The following LEO1 variants were observed in gnomAD, a reference collection of about 807,000 sequenced individuals.
The protein encoded by LEO1 is LEO1 component of Paf1/RNA polymerase II complex.
Under a neutral mutation model 80.4 loss-of-function variants are expected in LEO1, and 34 were observed. That is an observed-to-expected ratio of 0.42 (90% CI 0.32 to 0.56). LEO1 has a LOEUF of 0.56. LEO1 is among the 20% of genes least tolerant of loss of function. The probability of loss-of-function intolerance (pLI) is 0.10; values close to 1 mark genes in which losing one functional copy is unlikely to be tolerated. For synonymous variants in LEO1, 262 were observed against 274.9 expected, an observed-to-expected ratio of 0.95 and a Z score of 0.46; for missense variants, 631 against 814.2, an observed-to-expected ratio of 0.77 and a Z score of 2.74.
intron 5 of LEO1, among the ~76,000 whole-genome samples, 168 bp downstream of exon 5, chr15:51,959,731 T>A (rs1254389993): frequency 6.6e-6 from 1 of 152,240 alleles, no homozygotes; most frequent in Non-Finnish European, 1.5e-5. Flanking sequence ...AAGCCTCCCT[T>A]ACTAATACAT....
At chr15:51,942,873 G>C (rs1378929955) in intron 11 of LEO1, among the ~76,000 whole-genome samples, 2 of 145,164 alleles carry the variant, frequency 1.4e-5, no homozygotes, top group Non-Finnish European at 3.0e-5. Context: ...AGTGAGCCAA[G>C]ATGGCACCAC....
chr15:51,969,353 G>A lies in LEO1; in HGVS notation c.58+2335C>T, dbSNP rs144459614. Among the ~76,000 whole-genome samples the A allele has an allele frequency of 3.9e-3, 600 of 152,086 alleles. 7 individuals carry two copies. The highest frequency in any genetic ancestry group is 0.014 in the African/African-American group (565 of 41,470). On this transcript the variant is annotated intron_variant, in intron 1 of 11. Coordinates refer to ENST00000299601, the MANE Select transcript of LEO1 (RefSeq NM_138792.4). ...ATAAATACATGAAAAGATGTTCAACGGCTGGGCGCAGTGGCTCACACCTGT... is the reference window on the plus strand; with the variant it reads ...ATAAATACATGAAAAGATGTTCAACAGCTGGGCGCAGTGGCTCACACCTGT...
chr15:51,949,909 C>T lies in LEO1; in HGVS notation c.1697G>A (p.Ser566Asn). ...TCGATCAGGTTCCAGGTAACTGGCG[C>T]TCAGCCCCCGCTGGTGCTGTTTCTC... ...MREKQHQRGL[S>N]ASYLEPDRYD... is the part of the protein sequence containing the mutation. Residue 566 changes from serine (S) to asparagine (N), a missense_variant, in exon 10 of 12, where the codon AGC becomes AAC. This residue lies in a region of LEO1 where 117 missense variants were observed against 163.5 expected (regional missense o/e 0.72). Transcript: ENST00000299601. 6.2e-7 allele frequency: 1 copy of T among 1,614,098 alleles called. No homozygotes were observed. Among genetic ancestry groups the T allele is most frequent in the African/African-American group, 1.3e-5 (1 of 75,044 alleles).
In LEO1 at chr15:51,945,262, C is replaced by CAAAAAAAAAAAAAAAAAAAAAA. The variant is rs71130110; in HGVS notation, c.1896+2029_1896+2030insTTTTTTTTTTTTTTTTTTTTTT. On this transcript the variant is annotated intron_variant, in intron 11 of 11. Coordinates refer to ENST00000299601, the MANE Select transcript of LEO1 (RefSeq NM_138792.4). ...TGAAACCCCATCTCTACAAAAAATACAAAAAAAAAAAAAAAAAGCCTTACA... is the reference window on the plus strand; with the variant it reads ...TGAAACCCCATCTCTACAAAAAATACAAAAAAAAAAAAAAAAAAAAAAAAAAAAAAAAAAAAAAAGCCTTACA... Among the ~76,000 whole-genome samples, 20 of 80,348 alleles carry CAAAAAAAAAAAAAAAAAAAAAA rather than the reference C, an allele frequency of 2.5e-4. 1 individual carries two copies. The highest frequency in any genetic ancestry group is 2.5e-4 in the Non-Finnish European group (11 of 43,320). The allele number at this position is 80,348 out of a possible 152,430, so 52.7% of individuals were successfully genotyped here.
Position 51,966,136 on chromosome 15 carries a change from C to T in LEO1, c.427G>A (p.Glu143Lys), listed in dbSNP as rs150198878. 14 of 1,613,900 alleles carry T rather than the reference C, an allele frequency of 8.7e-6. No homozygotes were observed. The highest frequency in any genetic ancestry group is 9.3e-6 in the Non-Finnish European group (11 of 1,180,048). ...EGSEKAHSDD[E>K]KWGREDKSDQ... is the part of the protein sequence containing the mutation. ...CTTTTATCTTCTCTGCCCCATTTTT[C>T]ATCATCTGAATGTGCTTTTTCAGAA... Residue 143 changes from glutamate (E) to lysine (K), a missense_variant, in exon 2 of 12, where the codon GAA (glutamate) becomes AAA (lysine). Physicochemically the swap from Glu to Lys is moderately conservative, Grantham distance 56. Transcript: ENST00000299601.
chr15:51,957,818 C>T (rs1220471381), intron 6 of LEO1, among the ~76,000 whole-genome samples: 18 of 152,042 alleles, frequency 1.2e-4, no homozygotes, highest in Non-Finnish European at 2.4e-4. Context: ...GTCAGGAGTT[C>T]GAGACCAACC....
intron 11 of LEO1, among the ~76,000 whole-genome samples, chr15:51,939,450 A>G (rs752131003): frequency 6.6e-6 from 1 of 152,076 alleles, no homozygotes; most frequent in East Asian, 1.9e-4. Context: ...CAAAGGGGGG[A>G]AGTTATGAAT....
In LEO1 at chr15:51,962,476, C is replaced by T; in HGVS notation, c.832G>A (p.Asp278Asn). The change falls in exon 3 of 12, where the codon GAT (aspartate) becomes AAT (asparagine). Residue 278 changes from aspartate (D) to asparagine (N), a missense_variant. Asp to Asn is a conservative substitution (Grantham distance 23). Around this residue, in one of 4 missense-constraint regions of LEO1, gnomAD observed 394 missense variants for 395.6 expected, o/e 1.00. Coordinates refer to ENST00000299601, the MANE Select transcript of LEO1 (RefSeq NM_138792.4). ...ATTCGTAAAACTTCATCTTCACTAT[C>T]ACTGCCTCTTGCAGATTCTATAAGG... Reference protein sequence around the residue: ...DHKSESARGSDSEDEVLRMKR... With the variant: ...DHKSESARGSNSEDEVLRMKR... 1 of 1,611,906 alleles carries T rather than the reference C, an allele frequency of 6.2e-7. No homozygotes were observed. Among genetic ancestry groups the T allele is most frequent in the Non-Finnish European group, 8.5e-7 (1 of 1,178,112 alleles).
intron 11 of LEO1, among the ~76,000 whole-genome samples, chr15:51,939,445 G>T (rs1026443465): frequency 6.6e-6 from 1 of 152,074 alleles, no homozygotes; most frequent in African/African-American, 2.4e-5. Context: ...GAATTCAAAG[G>T]GGGGAAGTTA....
At chr15:51,963,897 C>CA (rs1217618326) in intron 2 of LEO1, among the ~76,000 whole-genome samples, 1,572 of 57,392 alleles carry the variant, frequency 0.027, 158 homozygotes, top group East Asian at 0.1. Flanking sequence ...GACTCTGTCT[C>CA]AAAAAAAAAA....
chr15:51,943,549 A>G (rs2141743316), intron 11 of LEO1, among the ~76,000 whole-genome samples: 1 of 151,296 alleles, frequency 6.6e-6, no homozygotes, highest in African/African-American at 2.4e-5. Context: ...AAAGTACAAA[A>G]ATTAGCCAGG....
intron 5 of LEO1, among the ~76,000 whole-genome samples, chr15:51,959,645 A>G (rs1291818007): frequency 2.6e-5 from 4 of 152,234 alleles, no homozygotes; most frequent in Non-Finnish European, 5.9e-5. Flanking sequence ...ACTAATTAAA[A>G]AAATACCTTG....
intron 7 of LEO1, among the ~76,000 whole-genome samples, chr15:51,953,919 G>A (rs2056968035): frequency 6.6e-6 from 1 of 151,012 alleles, no homozygotes; most frequent in Non-Finnish European, 1.5e-5. Context: ...ATGGAGAACT[G>A]TGTCTATGAA....
rs748634007 is a variant in LEO1 at position 51,953,170 on chromosome 15, A to G, written c.1434T>C (p.Gly478=). The part of the protein sequence containing the change: ...HNHLFIRQGT[G]LQGQAVFKTK... The stretch of plus-strand genomic sequence containing the variant: ...TTTTAAAGACTGCTTGTCCCTGTAG[A>G]CCAGTACCTTGTCTTATAAAAAGAT... Residue 478 remains glycine, a synonymous_variant, in exon 8 of 12, where the codon GGT becomes GGC. Coordinates refer to ENST00000299601, the MANE Select transcript of LEO1 (RefSeq NM_138792.4). 1.9e-6 allele frequency: 3 copies of G among 1,613,926 alleles called. No homozygotes were observed. The highest frequency in any genetic ancestry group is 1.1e-5 in the South Asian group (1 of 91,076).
chr15:51,946,033 TAAAA>T (rs914377515), intron 11 of LEO1, among the ~76,000 whole-genome samples: 1 of 149,944 alleles, frequency 6.7e-6, no homozygotes, highest in African/African-American at 2.5e-5. Context: ...GACTCTGTCT[TAAAA>T]AAAAAGAAAA....
intron 1 of LEO1, among the ~76,000 whole-genome samples, chr15:51,967,387 C>T (rs923985651): frequency 1.3e-4 from 20 of 152,192 alleles, no homozygotes; most frequent in Admixed American, 3.3e-4. Flanking sequence ...ACAGGAAAAT[C>T]GCTTGGATCC....
rs145510605 is a variant in LEO1 at position 51,942,227 on chromosome 15, G to A, written c.1897-3967C>T. Among the ~76,000 whole-genome samples the A allele has an allele frequency of 2.2e-3, 328 of 152,204 alleles. 4 individuals carry two copies. The highest frequency in any genetic ancestry group is 7.7e-3 in the African/African-American group (320 of 41,546). ...ATGGCAGGGGTTGAGAGGTCCAGAC[G>A]GAAGTAAAATTTTTGTTGTCAGGGA... is the stretch of plus-strand genomic sequence containing the variant. On this transcript the variant is annotated intron_variant, in intron 11 of 11. Transcript: ENST00000299601.
chr15:51,956,802 T>C (rs1406942971), intron 6 of LEO1, among the ~76,000 whole-genome samples: 1 of 152,148 alleles, frequency 6.6e-6, no homozygotes, highest in Non-Finnish European at 1.5e-5. Flanking sequence ...TGCACTGAAA[T>C]TTTAGGGTAA....
chr15:51,941,421 C>A (rs79788418), intron 11 of LEO1, among the ~76,000 whole-genome samples: 2,330 of 152,252 alleles, frequency 0.015, 67 homozygotes, highest in East Asian at 0.075. Flanking sequence ...AATGGAGTCT[C>A]AAGAGGGAGA....
Sources: gnomAD v4.1 joint callset for allele counts (sites outside exome capture counted in the v4.1 genomes callset) on GRCh38, gnomAD v4.1.1 for gene constraint, gnomAD v4.1.1 regional missense constraint, MANE v1.5 for transcripts, NCBI Gene and HGNC (gene_info 2026-07-23, HGNC 2026-07-21) for gene names.